Variants in STIL observed in about 807,000 individuals in gnomAD.
STIL encodes SCL-interrupting locus protein.
Under a neutral mutation model 110.1 loss-of-function variants are expected in STIL, and 55 were observed. The ratio of observed to expected loss-of-function variants is 0.50; its 90% CI spans 0.40 to 0.63. STIL has a LOEUF of 0.63. STIL is among the 20% of genes least tolerant of loss of function. STIL has a pLI of 0.00. For missense variants in STIL, 1,358 were observed against 1,530.0 expected (o/e 0.89, Z 1.87); for synonymous variants, 481 against 530.0 (o/e 0.91, Z 1.27).
chr1:47,259,281 C>T (rs150326667), intron 16 of STIL, among the ~76,000 whole-genome samples: 2,334 of 119,824 alleles, frequency 0.019, 91 homozygotes, highest in African/African-American at 0.072. Flanking sequence ...GTACCGCGCC[C>T]GGCCTTTTTT....
At chr1:47,310,535 C>A (rs1220190711) in intron 1 of STIL, among the ~76,000 whole-genome samples, 173 bp from the exon 2 acceptor site, 1 of 152,186 alleles carries the variant, frequency 6.6e-6, no homozygotes, top group Non-Finnish European at 1.5e-5. Context: ...ACGTTAGAGT[C>A]ATTCTGCCAA....
At chr1:47,253,693 T>A (rs938361066) in intron 16 of STIL, among the ~76,000 whole-genome samples, 10 of 152,192 alleles carry the variant, frequency 6.6e-5, no homozygotes, top group Non-Finnish European at 1.3e-4. Flanking sequence ...GTGCACTATT[T>A]GTTGTGGTGA....
chr1:47,301,509 CAT>C, intron 5 of STIL, 50 bp downstream of exon 5: 1 of 1,496,392 alleles, frequency 6.7e-7, no homozygotes, highest in Non-Finnish European at 9.3e-7. Flanking sequence ...GCATACTAAA[CAT>C]AGTTTGATTC....
At chr1:47,270,602 G>A (rs1644806587) in intron 13 of STIL, among the ~76,000 whole-genome samples, 1 of 149,650 alleles carries the variant, frequency 6.7e-6, no homozygotes, top group Non-Finnish European at 1.5e-5. Context: ...CTACATTGGT[G>A]ATGCATCAGA....
intron 11 of STIL, 136 bp from the exon 12 acceptor site, chr1:47,281,345 G>C: frequency 1.0e-6 from 1 of 982,502 alleles, no homozygotes; most frequent in Non-Finnish European, 1.4e-6. Context: ...TAGACCATCA[G>C]TTAATTTTTT....
At position 47,251,870 on chromosome 1, in the gene STIL, A is replaced by G. The variant is rs1034438053; in HGVS notation, c.3133T>C (p.Ser1045Pro). ...EAVISGLNCM[S>P]FANVGMSGLS... ...CCGCTCATGCCAACATTAGCAAATG[A>G]CATGCAGTTTAATCCAGAGATCACT... Residue 1045 changes from serine to proline, a missense_variant, in exon 17 of 17, where the codon TCA becomes CCA. By Grantham distance (74) the Ser-to-Pro change is moderately conservative. Coordinates refer to ENST00000371877, the MANE Select transcript of STIL (RefSeq NM_001048166.1). 5 of 1,608,998 alleles carry G rather than the reference A, an allele frequency of 3.1e-6. No homozygotes were observed. The highest frequency in any genetic ancestry group is 2.2e-5 in the East Asian group (1 of 44,880).
At chr1:47,267,221 C>T (rs1326537469) in intron 14 of STIL, among the ~76,000 whole-genome samples, 2 of 152,170 alleles carry the variant, frequency 1.3e-5, no homozygotes, top group Non-Finnish European at 2.9e-5. Flanking sequence ...TCCACTTGAT[C>T]ACTCTAGTTT....
chr1:47,289,610 A>G, intron 8 of STIL, 25 bp from the exon 9 acceptor site: 2 of 1,587,318 alleles, frequency 1.3e-6, no homozygotes, highest in Non-Finnish European at 1.7e-6. Flanking sequence ...TCATTTAATT[A>G]AAATTTAATG....
chr1:47,269,925 T>C (rs1644769535), intron 13 of STIL, 59 bp from the exon 14 acceptor site: 1 of 1,496,234 alleles, frequency 6.7e-7, no homozygotes, highest in Middle Eastern at 1.7e-4. Flanking sequence ...AATAATACTC[T>C]GCCAAACCTT....
chr1:47,293,078 A>G (rs544469781), intron 8 of STIL, among the ~76,000 whole-genome samples: 15 of 152,328 alleles, frequency 9.8e-5, no homozygotes, highest in African/African-American at 3.6e-4. Context: ...TATTAGTAGT[A>G]ACACTGTGTA....
In STIL at chr1:47,282,480, C is replaced by G. The variant is rs187106603; in HGVS notation, c.1134-21G>C. On this transcript the variant is annotated intron_variant, in intron 10 of 16. Coordinates refer to ENST00000371877, the MANE Select transcript of STIL (RefSeq NM_001048166.1). ...AAGACCTAAAGAATAGAAGGGGAGA[C>G]CAGAAAAGCCTTTGGTAATCCAGTG... The G allele has an allele frequency of 7.7e-5, 111 of 1,446,958 alleles. No homozygotes were observed. The East Asian group carries it at 1.9e-3, about 25-fold the overall frequency. The allele number at this position is 1,446,958 out of a possible 1,614,324, so 89.6% of individuals were successfully genotyped here. A position where few individuals can be genotyped will look rare whatever the true frequency, so the allele number is the denominator to read the frequency against.
rs200995168 is a variant in STIL, at chr1:47,263,056, C to G, written c.2676G>C (p.Gln892His). ...AACACATGCTTACACTTTCTGCCAG[C>G]TGGCCACTTGGAAAGAACACAGGTA... ...PDVPVFFPSG[Q>H]LAESVSMCLQ... Residue 892 changes from glutamine to histidine, a missense_variant, in exon 15 of 17, where the codon CAG becomes CAC. Physicochemically the swap from Gln to His is conservative, Grantham distance 24 (BLOSUM62 0). Transcript: ENST00000371877. The G allele has an allele frequency of 4.8e-5, 77 of 1,614,172 alleles. No homozygotes were observed. In the Middle Eastern group the frequency reaches 1.6e-3, roughly 35 times the overall value.
chr1:47,268,149 A>G (rs1644708336), intron 14 of STIL, among the ~76,000 whole-genome samples: 1 of 152,186 alleles, frequency 6.6e-6, no homozygotes, highest in African/African-American at 2.4e-5. Flanking sequence ...CAATACGGAG[A>G]ATCTTTAGAA....
In STIL at chr1:47,287,535, C is replaced by A; in HGVS notation, c.1133+16G>T. 4 of 1,547,582 alleles carry A rather than the reference C, an allele frequency of 2.6e-6. No homozygotes were observed. Among genetic ancestry groups the A allele is most frequent in the Non-Finnish European group, 3.6e-6 (4 of 1,126,552 alleles). On this transcript the variant is annotated intron_variant, in intron 10 of 16. Transcript: ENST00000371877. ...TTTTAAAAAAACACACACATAATAACAAAAAGATCTTTTACCTCTTAATTG... is the reference window on the plus strand; with the variant it reads ...TTTTAAAAAAACACACACATAATAAAAAAAAGATCTTTTACCTCTTAATTG...
intron 12 of STIL, among the ~76,000 whole-genome samples, chr1:47,279,928 T>C (rs1645109520): frequency 6.6e-6 from 1 of 152,146 alleles, no homozygotes; most frequent in Non-Finnish European, 1.5e-5. Context: ...TATTTAGCTG[T>C]ATATAAAGGC....
intron 11 of STIL, 147 bp downstream of exon 11, chr1:47,282,198 A>C (rs891367755): frequency 3.3e-6 from 2 of 599,726 alleles, no homozygotes; most frequent in Non-Finnish European, 3.0e-6. Flanking sequence ...TTATATCTCT[A>C]TATATAGATA....
intron 12 of STIL, among the ~76,000 whole-genome samples, chr1:47,279,257 T>C (rs1196063298): frequency 1.4e-5 from 2 of 141,410 alleles, no homozygotes; most frequent in South Asian, 4.4e-4. Flanking sequence ...CACTCCAGCC[T>C]GGGCGACAGA....
chr1:47,259,285 C>A (rs1313096680), intron 16 of STIL, among the ~76,000 whole-genome samples: 1 of 76,096 alleles, frequency 1.3e-5, no homozygotes, highest in African/African-American at 5.6e-5. Context: ...CGCGCCCGGC[C>A]TTTTTTTTTT....
At chr1:47,291,157 C>T (rs771573138) in intron 8 of STIL, among the ~76,000 whole-genome samples, 1 of 152,040 alleles carries the variant, frequency 6.6e-6, no homozygotes, top group African/African-American at 2.4e-5. Context: ...GTCAGGAGTT[C>T]GAGATCAGCC....
Sources: allele counts gnomAD v4.1 joint callset (sites outside exome capture counted in the v4.1 genomes callset), GRCh38; gene constraint gnomAD v4.1.1; transcripts MANE v1.5; gene names NCBI Gene and HGNC (gene_info 2026-07-23, HGNC 2026-07-21).